HDAC5: variants seen among roughly 807,000 people sequenced by gnomAD.
HDAC5 encodes the protein histone deacetylase 5.
A neutral mutation model predicts 133.3 loss-of-function variants in HDAC5; 25 were observed. That is an observed-to-expected ratio of 0.19 (90% confidence interval 0.14 to 0.26). HDAC5 has a LOEUF of 0.26. HDAC5 is among the 10% of genes least tolerant of loss of function. The pLI, the probability that HDAC5 is intolerant of heterozygous loss-of-function variation, is 1.00. For missense variants in HDAC5, 1,041 were observed against 1,460.5 expected, an observed-to-expected ratio of 0.71 and a Z score of 4.68; for synonymous variants, 589 against 610.8, an observed-to-expected ratio of 0.96 and a Z score of 0.53.
At chr17:44,112,729 AC>A (rs2052419205) in intron 2 of HDAC5, among the ~76,000 whole-genome samples, 1 of 152,166 alleles carries the variant, frequency 6.6e-6, no homozygotes, top group South Asian at 2.1e-4. Context: ...TAGGGGGACC[AC>A]ACCTATAGGC....
chr17:44,081,191 TCA>T lies in HDAC5; in HGVS notation c.2608-311_2608-310del, dbSNP rs10549651. ...ATCTCCCTACAGAACCCATTCCACC[TCA>T]CAGTTTTGGGGAAAACATTAAGGCT... On this transcript the variant is annotated intron_variant, in intron 20 of 26. Transcript: ENST00000682912. 4.2e-3 allele frequency among the ~76,000 whole-genome samples: 643 copies of T among 152,194 alleles called. 4 individuals are homozygous for T. The highest frequency in any genetic ancestry group is 0.015 in the African/African-American group (624 of 41,532).
At chr17:44,111,929 G>A (rs1197598096) in intron 2 of HDAC5, among the ~76,000 whole-genome samples, 1 of 152,172 alleles carries the variant, frequency 6.6e-6, no homozygotes, top group Non-Finnish European at 1.5e-5. Context: ...AGCACAGGTA[G>A]CTCCTCCATG....
At chr17:44,111,567 C>G (rs747887363) in intron 2 of HDAC5, 4 of 515,814 alleles carry the variant, frequency 7.8e-6, no homozygotes, top group Non-Finnish European at 1.5e-5. Context: ...AAGCCTCCGT[C>G]TTTCTTCTTG....
chr17:44,085,280 GC>G, intron 14 of HDAC5, 125 bp from the exon 15 acceptor site: 1 of 902,394 alleles, frequency 1.1e-6, no homozygotes, highest in Non-Finnish European at 1.5e-6. Context: ...CCTCCCCATG[GC>G]CACTGCAGCC....
chr17:44,121,478 C>A (rs1050192619), intron 1 of HDAC5, among the ~76,000 whole-genome samples: 1 of 142,094 alleles, frequency 7.0e-6, no homozygotes, highest in South Asian at 2.3e-4. Flanking sequence ...CTCTAGCAGG[C>A]TGGCTGAGCC....
At chr17:44,089,351 G>A (rs1458704356) in intron 11 of HDAC5, among the ~76,000 whole-genome samples, 4 of 152,110 alleles carry the variant, frequency 2.6e-5, no homozygotes, top group African/African-American at 7.2e-5. Context: ...GCTCACACCC[G>A]TAATCCCAGC....
intron 2 of HDAC5, among the ~76,000 whole-genome samples, chr17:44,115,629 G>A (rs186958174): frequency 6.6e-6 from 1 of 152,192 alleles, no homozygotes; most frequent in South Asian, 2.1e-4. Flanking sequence ...GGGAAAGCCA[G>A]TCCAGAACCC....
intron 3 of HDAC5, among the ~76,000 whole-genome samples, chr17:44,099,753 C>T (rs566919435): frequency 2.0e-5 from 3 of 152,312 alleles, no homozygotes; most frequent in South Asian, 2.1e-4. Context: ...GGATTACCAG[C>T]GTGAGCCACC....
In HDAC5 at chr17:44,117,379, C is replaced by T; in HGVS notation, c.22+115G>A. ...GCAACACTTCTCCACTCCTTACCCC[C>T]TCATTCCCTTATAGCTCAGACAGTA... On this transcript the variant is annotated intron_variant, in intron 2 of 26. Transcript: ENST00000682912. This position sits in a 1 kb window ranked among gnomAD's most constrained non-coding sequence, Gnocchi z 4.2. 2 of 1,158,290 alleles carry T rather than the reference C, an allele frequency of 1.7e-6. No homozygotes were observed. Among genetic ancestry groups the T allele is most frequent in the African/African-American group, 1.5e-5 (1 of 66,356 alleles). 71.8% of individuals were successfully genotyped at this position (1,158,290 alleles called of 1,614,324 possible). A position where few individuals can be genotyped will look rare whatever the true frequency, so the allele number is the denominator to read the frequency against.
intron 2 of HDAC5, chr17:44,111,635 C>G: frequency 1.9e-6 from 1 of 518,104 alleles, no homozygotes; most frequent in Non-Finnish European, 3.8e-6. Context: ...ACACAGGCAC[C>G]TTCCCTGGAG....
rs572546490 is a variant in HDAC5, at chr17:44,099,193, A to C, written c.95-5359T>G. On this transcript the variant is annotated intron_variant, in intron 3 of 26. Coordinates refer to ENST00000682912, the MANE Select transcript of HDAC5 (RefSeq NM_005474.5). ...GGACAAGGACCTGGGTCCTTCCCTCACCTGCCAGGACTTCACTCTGATGGG... is the reference window on the plus strand; with the variant it reads ...GGACAAGGACCTGGGTCCTTCCCTCCCCTGCCAGGACTTCACTCTGATGGG... Among the ~76,000 whole-genome samples the C allele has an allele frequency of 6.6e-5, 10 of 152,228 alleles. No individual in the cohort carries two copies. The South Asian group carries it at 2.1e-3, about 32-fold the overall frequency.
chr17:44,092,473 C>T lies in HDAC5; in HGVS notation c.827G>A (p.Arg276Gln). Residue 276 changes from arginine (R) to glutamine (Q), a missense_variant, in exon 8 of 27, where the codon CGG becomes CAG. Arg to Gln is a conservative substitution (Grantham distance 43). Around this residue, in one of 9 missense-constraint regions of HDAC5, gnomAD observed 433 missense variants for 531.6 expected, o/e 0.81. Transcript: ENST00000682912. The part of the protein sequence containing the change: ...RSRLKQKVAE[R>Q]RSSPLLRRKD... ...GCGACGCAGGAGGGGACTGCTTCTC[C>T]GCTCAGCCACCTTCTGTTTTAGCCT... 2.5e-6 allele frequency: 4 copies of T among 1,613,986 alleles called. No individual in the cohort carries two copies. The highest frequency in any genetic ancestry group is 3.4e-6 in the Non-Finnish European group (4 of 1,179,960).
intron 5 of HDAC5, 44 bp downstream of exon 5, chr17:44,093,270 A>T: frequency 6.3e-7 from 1 of 1,583,416 alleles, no homozygotes; most frequent in South Asian, 1.1e-5. Flanking sequence ...AGGGGCAGGC[A>T]TCACGGGCGG....
chr17:44,101,540 T>TA (rs2051609884), intron 3 of HDAC5, among the ~76,000 whole-genome samples: 1 of 151,838 alleles, frequency 6.6e-6, no homozygotes, highest in Non-Finnish European at 1.5e-5. Context: ...GGAATGTCTA[T>TA]ACATAACATA....
intron 11 of HDAC5, among the ~76,000 whole-genome samples, chr17:44,090,752 C>T (rs1335722246): frequency 6.6e-6 from 1 of 151,802 alleles, no homozygotes; most frequent in Non-Finnish European, 1.5e-5. Context: ...TGCAGTGGCA[C>T]GATCTCGGCT....
At chr17:44,116,397 G>C (rs2052647211) in intron 2 of HDAC5, among the ~76,000 whole-genome samples, 3 of 152,084 alleles carry the variant, frequency 2.0e-5, no homozygotes, top group Admixed American at 1.3e-4. Flanking sequence ...GGCAAGGGCA[G>C]AGGGAGGAAT....
rs71371967 is a variant in HDAC5, at chr17:44,093,278, C to T, written c.526+36G>A. ...CCATGGCAGGGGCAGGCATCACGGGCGGGGCCCTACGAGGTCCCAGGAGGC... is the reference window on the plus strand; with the variant it reads ...CCATGGCAGGGGCAGGCATCACGGGTGGGGCCCTACGAGGTCCCAGGAGGC... On this transcript the variant is annotated intron_variant, in intron 5 of 26. Transcript: ENST00000682912. 3.0e-3 allele frequency: 4,816 copies of T among 1,580,780 alleles called. 144 individuals are homozygous for T. In the African/African-American group the frequency reaches 0.058, roughly 19 times the overall value.
At chr17:44,089,444 A>G (rs959452782) in intron 11 of HDAC5, among the ~76,000 whole-genome samples, 2 of 151,938 alleles carry the variant, frequency 1.3e-5, no homozygotes, top group African/African-American at 4.8e-5. Flanking sequence ...CCCCGTCTCT[A>G]CTAAAAATAC....
intron 3 of HDAC5, among the ~76,000 whole-genome samples, chr17:44,096,375 T>A (rs1376378510): frequency 6.6e-6 from 1 of 151,592 alleles, no homozygotes; most frequent in East Asian, 1.9e-4. Context: ...GCTACCAGTA[T>A]CTTCTGCCTT....
Sources: gnomAD v4.1 joint callset for allele counts (sites outside exome capture counted in the v4.1 genomes callset) on GRCh38, gnomAD v4.1.1 for gene constraint, gnomAD v4.1.1 regional missense constraint, Gnocchi (gnomAD v3.1) non-coding constraint, MANE v1.5 for transcripts, NCBI Gene and HGNC (gene_info 2026-07-23, HGNC 2026-07-21) for gene names.